The following ITSN2 variants were observed in gnomAD, a reference collection of about 807,000 sequenced individuals.
The protein encoded by ITSN2 is intersectin 2.
ITSN2 carries 156 observed loss-of-function variants against 243.7 expected under a neutral mutation model. That is an observed-to-expected ratio of 0.64 (90% confidence interval 0.56 to 0.73). The LOEUF is 0.73. ITSN2 is among the 30% of genes least tolerant of loss of function. The pLI is 0.00. For synonymous variants in ITSN2, 703 were observed against 699.9 expected, an observed-to-expected ratio of 1.00 and a Z score of -0.07; for missense variants, 1,801 against 1,996.1, an observed-to-expected ratio of 0.90 and a Z score of 1.86.
rs776577126 is a variant in ITSN2, at chr2:24,254,339, T to C, written c.2953+28A>G. ...TAGTCAAGAGCTAAATTGATTACCA[T>C]CTAATTTACAAATTGCCAAAAGCTT... On this transcript the variant is annotated intron_variant, in intron 24 of 39. Coordinates refer to ENST00000355123, the MANE Select transcript of ITSN2 (RefSeq NM_006277.3). 1.9e-5 allele frequency: 28 copies of C among 1,494,824 alleles called. No individual in the cohort carries two copies. In the East Asian group the frequency reaches 2.9e-4, roughly 16 times the overall value. 92.6% of individuals were successfully genotyped at this position (1,494,824 alleles called of 1,614,324 possible).
intron 37 of ITSN2, chr2:24,205,730 A>G (rs1422812003): frequency 5.6e-6 from 1 of 179,138 alleles, no homozygotes; most frequent in African/African-American, 2.3e-5. Flanking sequence ...ATTGCCTAGC[A>G]AATAGTAATA....
At chr2:24,223,735 T>G (rs957983423) in intron 29 of ITSN2, among the ~76,000 whole-genome samples, 214 of 59,870 alleles carry the variant, frequency 3.6e-3, no homozygotes, top group Admixed American at 5.0e-3. Context: ...AAGGAAAAAG[T>G]GAATGTAAGG....
chr2:24,272,913 A>T (rs1447545617), intron 18 of ITSN2, among the ~76,000 whole-genome samples: 1 of 152,158 alleles, frequency 6.6e-6, no homozygotes, highest in Non-Finnish European at 1.5e-5. Context: ...GAACTCATGC[A>T]TCTTATAGTT....
chr2:24,208,534 C>A (rs1048388070), intron 36 of ITSN2, among the ~76,000 whole-genome samples: 6 of 152,230 alleles, frequency 3.9e-5, no homozygotes, highest in African/African-American at 1.4e-4. Flanking sequence ...AAATGCCAGG[C>A]ACTCGCAAGG....
intron 1 of ITSN2, among the ~76,000 whole-genome samples, chr2:24,336,402 T>C (rs558078356): frequency 4.6e-5 from 7 of 152,320 alleles, no homozygotes; most frequent in African/African-American, 1.7e-4. Flanking sequence ...AATGCCCCTT[T>C]CCTGCTTAGA....
intron 13 of ITSN2, among the ~76,000 whole-genome samples, chr2:24,296,956 T>TA (rs757799603): frequency 6.6e-5 from 10 of 152,200 alleles, no homozygotes; most frequent in Non-Finnish European, 1.0e-4. Flanking sequence ...TCACCTGTGT[T>TA]ACTGTGCTTC....
intron 8 of ITSN2, among the ~76,000 whole-genome samples, chr2:24,307,431 T>C (rs1443472967): frequency 6.6e-6 from 1 of 152,058 alleles, no homozygotes; most frequent in Non-Finnish European, 1.5e-5. Flanking sequence ...AGTTATGTAA[T>C]ATGAAATACA....
rs1558428804 is a variant in ITSN2 at position 24,210,839 on chromosome 2, C to CCTT, written c.4195_4197dup (p.Lys1399dup). The CCTT allele has an allele frequency of 6.2e-7, 1 of 1,614,142 alleles. No individual in the cohort carries two copies. The highest frequency in any genetic ancestry group is 8.5e-7 in the Non-Finnish European group (1 of 1,180,032). On this transcript the variant is annotated inframe_insertion, in exon 34 of 40. Coordinates refer to ENST00000355123, the MANE Select transcript of ITSN2 (RefSeq NM_006277.3). ...ATCCACTCCAGTCGGTCCGAGTTTT[C>CCTT]CTTCTCCCGAACTCCCTCATTCACT...
intron 8 of ITSN2, among the ~76,000 whole-genome samples, chr2:24,305,490 C>T (rs561389368): frequency 1.3e-5 from 2 of 148,730 alleles, no homozygotes; most frequent in African/African-American, 2.5e-5. Context: ...GCAGGAGAAT[C>T]GCTGGAACCC....
rs920026756 is a variant in ITSN2, at chr2:24,296,454, G to C, written c.1495-650C>G. Among the ~76,000 whole-genome samples, 142 of 152,082 alleles carry C rather than the reference G, an allele frequency of 9.3e-4. 2 individuals carry two copies. The highest frequency in any genetic ancestry group is 4.3e-4 in the Non-Finnish European group (29 of 68,020). On this transcript the variant is annotated intron_variant, in intron 13 of 39. Transcript: ENST00000355123. ...AGAATGTGACAATATTTGGAGACAG[G>C]GCCTTTAAAGAGGTGATTAAGGTTA...
chr2:24,334,628 G>A, intron 1 of ITSN2: 3 of 1,209,280 alleles, frequency 2.5e-6, no homozygotes, highest in Non-Finnish European at 3.6e-6. Flanking sequence ...AGGGAAAGTG[G>A]TGTTATACAG....
chr2:24,312,513 T>C (rs1033546808), intron 4 of ITSN2, 138 bp from the exon 5 acceptor site: 58 of 502,364 alleles, frequency 1.2e-4, no homozygotes, highest in Middle Eastern at 8.6e-4. Flanking sequence ...ATATCTAACA[T>C]GTAAAATATA....
chr2:24,243,075 T>A (rs1672923586), intron 29 of ITSN2, among the ~76,000 whole-genome samples: 2 of 152,164 alleles, frequency 1.3e-5, no homozygotes, highest in African/African-American at 4.8e-5. Flanking sequence ...CAGCAAACAA[T>A]TAGTACTTAT....
At chr2:24,207,758 G>A (rs1440065722) in intron 37 of ITSN2, among the ~76,000 whole-genome samples, 3 of 151,926 alleles carry the variant, frequency 2.0e-5, no homozygotes, top group African/African-American at 7.3e-5. Flanking sequence ...AAGTGAGAAG[G>A]GGGAGGAGGC....
In ITSN2 at chr2:24,275,762, T is replaced by C; in HGVS notation, c.2032A>G (p.Lys678Glu). ...KRDKLKEIER[K>E]RLELMQKKKL... is the part of the protein sequence containing the mutation. ...TTTTTCTGCATTAGTTCTAATCTTTTCCTTTCAATTTCCTTCAACTTGTCA... is the reference window on the plus strand; with the variant it reads ...TTTTTCTGCATTAGTTCTAATCTTTCCCTTTCAATTTCCTTCAACTTGTCA... Residue 678 changes from lysine to glutamate, a missense_variant, in exon 18 of 40, where the codon AAA becomes GAA. Lys to Glu is a moderately conservative substitution (Grantham distance 56). Coordinates refer to ENST00000355123, the MANE Select transcript of ITSN2 (RefSeq NM_006277.3). 1.9e-6 allele frequency: 3 copies of C among 1,612,484 alleles called. No homozygotes were observed. The highest frequency in any genetic ancestry group is 2.2e-5 in the South Asian group (2 of 91,048).
rs1160302630 is a variant in ITSN2 at position 24,331,942 on chromosome 2, GGGAGTTT to G, written c.-33-3834_-33-3828del. 2.6e-5 allele frequency among the ~76,000 whole-genome samples: 4 copies of G among 152,198 alleles called. No homozygotes were observed. In the East Asian group the frequency reaches 7.7e-4, roughly 29 times the overall value. ...TGGGTTTTAGAGTGGCTTTCAAGAA[GGGAGTTT>G]GAAAGTTGTTGTGGCCAGGCGCAGT... On this transcript the variant is annotated intron_variant, in intron 1 of 39. Coordinates refer to ENST00000355123, the MANE Select transcript of ITSN2 (RefSeq NM_006277.3).
At chr2:24,357,436 T>G (rs1423388139) in intron 1 of ITSN2, among the ~76,000 whole-genome samples, 1 of 151,656 alleles carries the variant, frequency 6.6e-6, no homozygotes, top group Non-Finnish European at 1.5e-5. Context: ...TGAGAACACA[T>G]GGACACAGAG....
chr2:24,210,249 T>G (rs1435397956), intron 34 of ITSN2: 1 of 545,158 alleles, frequency 1.8e-6, no homozygotes, highest in East Asian at 3.0e-5. Context: ...CACAGAACAC[T>G]GATTCTACCA....
chr2:24,352,911 A>G (rs1324173058), intron 1 of ITSN2, among the ~76,000 whole-genome samples: 3 of 152,236 alleles, frequency 2.0e-5, no homozygotes, highest in Non-Finnish European at 4.4e-5. Flanking sequence ...CATCTGTCTC[A>G]TATCAGAACT....
Sources: allele counts gnomAD v4.1 joint callset (sites outside exome capture counted in the v4.1 genomes callset), GRCh38; gene constraint gnomAD v4.1.1; transcripts MANE v1.5; gene names NCBI Gene and HGNC (gene_info 2026-07-23, HGNC 2026-07-21).